EFCAB11: variants seen among roughly 807,000 people sequenced by gnomAD.
EFCAB11 encodes EF-hand calcium-binding domain-containing protein 11.
A neutral mutation model predicts 23.0 loss-of-function variants in EFCAB11; 14 were observed. The ratio of observed to expected loss-of-function variants is 0.61; its 90% CI spans 0.40 to 0.95. EFCAB11 has a LOEUF of 0.95. EFCAB11 is among the 40% of genes least tolerant of loss of function. The pLI, the probability that EFCAB11 is intolerant of heterozygous loss-of-function variation, is 0.00. For missense variants in EFCAB11, 198 were observed against 195.8 expected (o/e 1.01, Z -0.07); for synonymous variants, 65 against 66.6 (o/e 0.98, Z 0.11).
intron 5 of EFCAB11, among the ~76,000 whole-genome samples, chr14:89,879,498 A>AC (rs1888538976): frequency 6.6e-6 from 1 of 152,036 alleles, no homozygotes; most frequent in African/African-American, 2.4e-5. Flanking sequence ...AAGCTACACA[A>AC]AAAAAAACAT....
chr14:89,820,654 A>C (rs1049859523), intron 5 of EFCAB11, among the ~76,000 whole-genome samples: 3 of 152,084 alleles, frequency 2.0e-5, no homozygotes, highest in Admixed American at 6.6e-5. Context: ...AGTAACCTCT[A>C]CTTGCAGCCT....
At chr14:89,934,914 C>G (rs1338486235) in intron 3 of EFCAB11, among the ~76,000 whole-genome samples, 1 of 152,066 alleles carries the variant, frequency 6.6e-6, no homozygotes, top group Non-Finnish European at 1.5e-5. Flanking sequence ...AGAAACGTAC[C>G]CCAGTCCACC....
chr14:89,821,029 T>G (rs1886499668), intron 5 of EFCAB11, among the ~76,000 whole-genome samples: 1 of 152,082 alleles, frequency 6.6e-6, no homozygotes, highest in African/African-American at 2.4e-5. Context: ...GCCTGGCTAA[T>G]TTTTTATTTT....
At chr14:89,872,818 G>C (rs1888324456) in intron 5 of EFCAB11, among the ~76,000 whole-genome samples, 1 of 150,614 alleles carries the variant, frequency 6.6e-6, no homozygotes, top group African/African-American at 2.4e-5. Context: ...CACACATGTG[G>C]AAGAATATGA....
At chr14:89,825,925 G>A (rs994183202) in intron 5 of EFCAB11, among the ~76,000 whole-genome samples, 11 of 151,980 alleles carry the variant, frequency 7.2e-5, no homozygotes, top group African/African-American at 2.7e-4. Context: ...TTACTTCCCA[G>A]GATCATTCAA....
chr14:89,891,130 A>C (rs1190379559), intron 5 of EFCAB11, among the ~76,000 whole-genome samples: 5 of 152,192 alleles, frequency 3.3e-5, no homozygotes, highest in Non-Finnish European at 7.4e-5. Context: ...AGCCTGGCAA[A>C]AACACATAAA....
At chr14:89,925,895 C>T (rs1467164200) in intron 5 of EFCAB11, among the ~76,000 whole-genome samples, 1 of 152,040 alleles carries the variant, frequency 6.6e-6, no homozygotes, top group Non-Finnish European at 1.5e-5. Flanking sequence ...GTGGCGTGAT[C>T]TCGGCTCACT....
In EFCAB11 at chr14:89,939,938, C is replaced by G. The variant is rs189147842; in HGVS notation, c.218-7311G>C. Among the ~76,000 whole-genome samples, 26 of 152,268 alleles carry G rather than the reference C, an allele frequency of 1.7e-4. No homozygotes were observed. The East Asian group carries it at 5.0e-3, about 29-fold the overall frequency. On this transcript the variant is annotated intron_variant, in intron 3 of 5. Coordinates refer to ENST00000316738, the MANE Select transcript of EFCAB11 (RefSeq NM_145231.4). ...ATTTTTAATAGAGACAGTGTTTCAC[C>G]ATGTTGGCCAGGCTGGTCTTGAACT... is the stretch of plus-strand genomic sequence containing the variant.
At chr14:89,869,437 A>T (rs571536088) in intron 5 of EFCAB11, among the ~76,000 whole-genome samples, 1 of 152,294 alleles carries the variant, frequency 6.6e-6, no homozygotes, top group South Asian at 2.1e-4. Context: ...ACTTGTCCTT[A>T]TTACATAATG....
intron 3 of EFCAB11, among the ~76,000 whole-genome samples, chr14:89,945,916 T>A (rs1330904551): frequency 2.0e-5 from 3 of 147,816 alleles, no homozygotes; most frequent in Non-Finnish European, 2.9e-5. Context: ...TAGGGGATTT[T>A]TTTTTTTTAT....
chr14:89,831,435 T>C (rs1264764864), intron 5 of EFCAB11, among the ~76,000 whole-genome samples: 3 of 152,188 alleles, frequency 2.0e-5, no homozygotes, highest in African/African-American at 4.8e-5. Context: ...CACATTGATA[T>C]GACTGCTGAA....
intron 5 of EFCAB11, among the ~76,000 whole-genome samples, chr14:89,824,946 G>A (rs563425053): frequency 6.6e-6 from 1 of 151,870 alleles, no homozygotes; most frequent in Admixed American, 6.6e-5. Flanking sequence ...CAGTAAATGA[G>A]AGAACACAGA....
intron 5 of EFCAB11, among the ~76,000 whole-genome samples, chr14:89,803,423 C>T (rs904460972): frequency 3.2e-4 from 49 of 152,110 alleles, no homozygotes; most frequent in African/African-American, 1.0e-3. Context: ...TCCCAACAAA[C>T]GCACTGACAG....
intron 5 of EFCAB11, among the ~76,000 whole-genome samples, chr14:89,852,014 G>C (rs557211754): frequency 2.0e-5 from 3 of 152,314 alleles, no homozygotes; most frequent in African/African-American, 7.2e-5. Context: ...TTGGTTCCAT[G>C]AATCTCAAAA....
rs147130898 is a variant in EFCAB11, at chr14:89,932,859, C to T, written c.218-232G>A. Reference sequence around the variant, plus strand: ...AGAAATCAATAGTGAAAACACAAGACACTTTTAGGGTTCACTGAGCTTTTT... The same window carrying T: ...AGAAATCAATAGTGAAAACACAAGATACTTTTAGGGTTCACTGAGCTTTTT... On this transcript the variant is annotated intron_variant, in intron 3 of 5. Coordinates refer to ENST00000316738, the MANE Select transcript of EFCAB11 (RefSeq NM_145231.4). Among the ~76,000 whole-genome samples, 7 of 152,276 alleles carry T rather than the reference C, an allele frequency of 4.6e-5. No individual in the cohort carries two copies. The East Asian group carries it at 1.3e-3, about 29-fold the overall frequency.
chr14:89,886,190 A>C (rs1260795231), intron 5 of EFCAB11, among the ~76,000 whole-genome samples: 2 of 152,146 alleles, frequency 1.3e-5, no homozygotes, highest in Non-Finnish European at 2.9e-5. Context: ...TAAGGCATTC[A>C]ACTGATTAGA....
chr14:89,892,892 ACT>A (rs1209591755), intron 5 of EFCAB11, among the ~76,000 whole-genome samples: 2 of 151,634 alleles, frequency 1.3e-5, no homozygotes, highest in Non-Finnish European at 2.9e-5. Context: ...ACAGAGTGAG[ACT>A]CTGTTTCAAA....
intron 5 of EFCAB11, among the ~76,000 whole-genome samples, chr14:89,840,752 G>A (rs1037883290): frequency 7.2e-5 from 11 of 151,970 alleles, no homozygotes; most frequent in African/African-American, 1.9e-4. Context: ...TAATGGCAGC[G>A]GCGTAACTGA....
At chr14:89,827,873 TC>T (rs1239436798) in intron 5 of EFCAB11, among the ~76,000 whole-genome samples, 2 of 152,144 alleles carry the variant, frequency 1.3e-5, no homozygotes, top group Non-Finnish European at 2.9e-5. Flanking sequence ...CCTCAGGTGA[TC>T]CGCCTGCCTC....
Sources: gnomAD v4.1 joint callset for allele counts (sites outside exome capture counted in the v4.1 genomes callset) on GRCh38, gnomAD v4.1.1 for gene constraint, MANE v1.5 for transcripts, NCBI Gene and HGNC (gene_info 2026-07-23, HGNC 2026-07-21) for gene names.